RAB40B: variants seen among roughly 807,000 people sequenced by gnomAD.
RAB40B encodes RAB40B, member RAS oncogene family.
A neutral mutation model predicts 24.0 loss-of-function variants in RAB40B; 21 were observed. The ratio of observed to expected loss-of-function variants is 0.88; its 90% CI spans 0.62 to 1.26. The LOEUF is 1.26. Among genes scored for constraint, RAB40B ranks in the 50% most tolerant of loss-of-function variants. RAB40B has a pLI of 0.00. For missense variants in RAB40B, 348 were observed against 390.5 expected, an observed-to-expected ratio of 0.89 and a Z score of 0.92; for synonymous variants, 167 against 169.8, an observed-to-expected ratio of 0.98 and a Z score of 0.13.
intron 2 of RAB40B, chr17:82,661,808 GC>G: frequency 1.7e-6 from 1 of 590,302 alleles, no homozygotes; most frequent in Non-Finnish European, 2.1e-6. Context: ...AATTGTTTGA[GC>G]CCGGCAGGCG....
At position 82,657,758 on chromosome 17, in the gene RAB40B, G is replaced by T; in HGVS notation, c.*105C>A. On this transcript the variant is annotated 3_prime_UTR_variant, in exon 6 of 6. Coordinates refer to ENST00000571995, the MANE Select transcript of RAB40B (RefSeq NM_006822.3). Reference sequence around the variant, plus strand: ...AAGGCGTCGCACACATTCGCAAGCAGCATTCGCCGAGAGGAACCGGGATCT... The same window carrying T: ...AAGGCGTCGCACACATTCGCAAGCATCATTCGCCGAGAGGAACCGGGATCT... 7.4e-7 allele frequency: 1 copy of T among 1,353,174 alleles called. No individual in the cohort carries two copies. The highest frequency in any genetic ancestry group is 1.1e-6 in the Non-Finnish European group (1 of 943,674). The allele number at this position is 1,353,174 out of a possible 1,614,324, so 83.8% of individuals were successfully genotyped here. A position where few individuals can be genotyped will look rare whatever the true frequency, so the allele number is the denominator to read the frequency against.
In RAB40B at chr17:82,686,420, T is replaced by C. The variant is rs2046502772; in HGVS notation, c.142+12035A>G. Among the ~76,000 whole-genome samples, 3 of 152,282 alleles carry C rather than the reference T, an allele frequency of 2.0e-5. No homozygotes were observed. In the South Asian group the frequency reaches 6.2e-4, roughly 32 times the overall value. ...AGCCACCGCGCCCGGCCAAGGGTCTTTTCAGATGTAATCAAGTTAAGATGA... is the reference window on the plus strand; with the variant it reads ...AGCCACCGCGCCCGGCCAAGGGTCTCTTCAGATGTAATCAAGTTAAGATGA... On this transcript the variant is annotated intron_variant, in intron 1 of 5. Coordinates refer to ENST00000571995, the MANE Select transcript of RAB40B (RefSeq NM_006822.3).
rs1189191507 is a variant in RAB40B at position 82,697,120 on chromosome 17, G to T, written c.142+1335C>A. On this transcript the variant is annotated intron_variant, in intron 1 of 5. Coordinates refer to ENST00000571995, the MANE Select transcript of RAB40B (RefSeq NM_006822.3). This position sits in a 1 kb window ranked among gnomAD's most constrained non-coding sequence, Gnocchi z 4.9. ...CAGTTTCAGGAGGCCTCTGGGTGCT[G>T]GTCGTGAGCCCAAGCCCATCTCAGC... 1.3e-5 allele frequency among the ~76,000 whole-genome samples: 2 copies of T among 152,020 alleles called. No individual in the cohort carries two copies. Among genetic ancestry groups the T allele is most frequent in the Non-Finnish European group, 2.9e-5 (2 of 67,982 alleles).
chr17:82,664,619 A>G, intron 1 of RAB40B, 63 bp from the exon 2 acceptor site: 1 of 1,486,620 alleles, frequency 6.7e-7, no homozygotes, highest in Non-Finnish European at 9.3e-7. Flanking sequence ...TGGAAGTCTC[A>G]CGTTCAGGGA....
chr17:82,698,634 G>A lies in RAB40B; in HGVS notation c.-38C>T, dbSNP rs779428324. ...GCGCCCCCACCCATGCCCGGCCTGC[G>A]GGGCTGAGCGCAGAGGCGGCGGCCC... is the stretch of plus-strand genomic sequence containing the variant. On this transcript the variant is annotated 5_prime_UTR_variant, in exon 1 of 6. Transcript: ENST00000571995. 1 of 1,340,368 alleles carries A rather than the reference G, an allele frequency of 7.5e-7. No individual in the cohort carries two copies. Among genetic ancestry groups the A allele is most frequent in the Admixed American group, 2.7e-5 (1 of 36,666 alleles). 83.0% of individuals were successfully genotyped at this position (1,340,368 alleles called of 1,614,324 possible).
At chr17:82,672,826 C>T (rs554990162) in intron 1 of RAB40B, among the ~76,000 whole-genome samples, 8 of 152,318 alleles carry the variant, frequency 5.3e-5, no homozygotes, top group Admixed American at 1.3e-4. Context: ...ACCAGGTAGA[C>T]GCCATCCACA....
In RAB40B at chr17:82,698,487, C is replaced by A; in HGVS notation, c.110G>T (p.Gly37Val). The A allele has an allele frequency of 6.7e-7, 1 of 1,499,652 alleles. No homozygotes were observed. 92.9% of individuals were successfully genotyped at this position (1,499,652 alleles called of 1,614,324 possible). A position where few individuals can be genotyped will look rare whatever the true frequency, so the allele number is the denominator to read the frequency against. Residue 37 changes from glycine to valine, a missense_variant, in exon 1 of 6, where the codon GGC becomes GTC. Transcript: ENST00000571995. ...GTGGCCGTACGGGGACTCGGCCGCG[C>A]CATCCTGCAGGCTCGCCAGGATCTC... ...KGEILASLQD[G>V]AAESPYGHPA...
rs75451198 is a variant in RAB40B at position 82,692,497 on chromosome 17, G to A, written c.142+5958C>T. On this transcript the variant is annotated intron_variant, in intron 1 of 5. Coordinates refer to ENST00000571995, the MANE Select transcript of RAB40B (RefSeq NM_006822.3). This position sits in a 1 kb window ranked among gnomAD's most constrained non-coding sequence, Gnocchi z 4.0. ...ATCCACAGAAGACAGAGTCTGACCCGGGGCACACACACAAGAGACAGGCGG... is the reference window on the plus strand; with the variant it reads ...ATCCACAGAAGACAGAGTCTGACCCAGGGCACACACACAAGAGACAGGCGG... Among the ~76,000 whole-genome samples the A allele has an allele frequency of 7.9e-3, 1,199 of 152,174 alleles. 14 individuals are homozygous for A. Among genetic ancestry groups the A allele is most frequent in the African/African-American group, 0.028 (1,149 of 41,488 alleles).
rs975729412 is a variant in RAB40B, at chr17:82,667,377, C to T, written c.143-2821G>A. Among the ~76,000 whole-genome samples the T allele has an allele frequency of 6.6e-6, 1 of 152,234 alleles. No individual in the cohort carries two copies. The highest frequency in any genetic ancestry group is 1.5e-5 in the Non-Finnish European group (1 of 68,040). ...TGCAGCAGCTCTGGGCCTCTGTCCTCCACTTTCCACTGATGCAGCCATGAG... is the reference window on the plus strand; with the variant it reads ...TGCAGCAGCTCTGGGCCTCTGTCCTTCACTTTCCACTGATGCAGCCATGAG... On this transcript the variant is annotated intron_variant, in intron 1 of 5. Coordinates refer to ENST00000571995, the MANE Select transcript of RAB40B (RefSeq NM_006822.3). The surrounding 1 kb of genome is among the most constrained non-coding windows in gnomAD (Gnocchi z 4.3).
At chr17:82,693,554 G>A (rs1420178650) in intron 1 of RAB40B, among the ~76,000 whole-genome samples, 2 of 152,200 alleles carry the variant, frequency 1.3e-5, no homozygotes, top group African/African-American at 4.8e-5. Flanking sequence ...CGATTCACAC[G>A]CATAGGGACC....
intron 1 of RAB40B, among the ~76,000 whole-genome samples, chr17:82,676,937 AATTT>A (rs60578904): frequency 6.9e-5 from 10 of 144,356 alleles, no homozygotes; most frequent in African/African-American, 2.1e-4. Flanking sequence ...GTAGCCTACT[AATTT>A]ATTTATTTAT....
rs770442329 is a variant in RAB40B, at chr17:82,698,639, T to C, written c.-43A>G. ...CCCACCCATGCCCGGCCTGCGGGGC[T>C]GAGCGCAGAGGCGGCGGCCCGGCCC... On this transcript the variant is annotated 5_prime_UTR_variant, in exon 1 of 6. Coordinates refer to ENST00000571995, the MANE Select transcript of RAB40B (RefSeq NM_006822.3). 2 of 1,312,442 alleles carry C rather than the reference T, an allele frequency of 1.5e-6. No homozygotes were observed. Among genetic ancestry groups the C allele is most frequent in the African/African-American group, 1.5e-5 (1 of 64,862 alleles). The allele number at this position is 1,312,442 out of a possible 1,614,324, so 81.3% of individuals were successfully genotyped here. A position where few individuals can be genotyped will look rare whatever the true frequency, so the allele number is the denominator to read the frequency against.
intron 1 of RAB40B, among the ~76,000 whole-genome samples, chr17:82,685,414 C>T (rs2046489427): frequency 6.6e-6 from 1 of 152,148 alleles, no homozygotes; most frequent in Non-Finnish European, 1.5e-5. Context: ...TCACCGCACA[C>T]AGGGACGAAG....
rs376519150 is a variant in RAB40B at position 82,688,149 on chromosome 17, G to A, written c.142+10306C>T. On this transcript the variant is annotated intron_variant, in intron 1 of 5. Transcript: ENST00000571995. ...CAGTCCATCCTTCTCTCTGCCAGCCGGGGCCCAAAACACACTAAGTCACCA... is the reference window on the plus strand; with the variant it reads ...CAGTCCATCCTTCTCTCTGCCAGCCAGGGCCCAAAACACACTAAGTCACCA... Among the ~76,000 whole-genome samples the A allele has an allele frequency of 2.6e-5, 4 of 151,990 alleles. No individual in the cohort carries two copies. In the East Asian group the frequency reaches 7.8e-4, roughly 30 times the overall value.
At chr17:82,682,384 C>T (rs771364168) in intron 1 of RAB40B, among the ~76,000 whole-genome samples, 1 of 152,020 alleles carries the variant, frequency 6.6e-6, no homozygotes, top group African/African-American at 2.4e-5. Flanking sequence ...ATATTAAAAG[C>T]TACAAACCAC....
rs528494807 is a variant in RAB40B, at chr17:82,690,747, G to A, written c.142+7708C>T. Among the ~76,000 whole-genome samples, 319 of 150,018 alleles carry A rather than the reference G, an allele frequency of 2.1e-3. 2 individuals are homozygous for A. Among genetic ancestry groups the A allele is most frequent in the African/African-American group, 7.4e-3 (298 of 40,332 alleles). On this transcript the variant is annotated intron_variant, in intron 1 of 5. Coordinates refer to ENST00000571995, the MANE Select transcript of RAB40B (RefSeq NM_006822.3). The stretch of plus-strand genomic sequence containing the variant: ...TGTGTTCCTGGGGAACAGAGAGTGT[G>A]CACGTGTGTCCAGGGGAAGATCTGC...
chr17:82,665,789 C>T (rs1215461722), intron 1 of RAB40B, among the ~76,000 whole-genome samples: 1 of 151,886 alleles, frequency 6.6e-6, no homozygotes, highest in African/African-American at 2.4e-5. Flanking sequence ...ATTGCTTGAA[C>T]CCGGGAGGCG....
rs182269402 is a variant in RAB40B, at chr17:82,660,980, G to A, written c.264+7C>T. On this transcript the variant is annotated splice_region_variant and intron_variant, in intron 3 of 5. Transcript: ENST00000571995. Reference sequence around the variant, plus strand: ...TTGATCTCCCAGCTCGGGGGATGCTGTGTTACCTGTGCGCCCCGGGAGTAG... The same window carrying A: ...TTGATCTCCCAGCTCGGGGGATGCTATGTTACCTGTGCGCCCCGGGAGTAG... 1.5e-5 allele frequency: 24 copies of A among 1,613,894 alleles called. No homozygotes were observed. The East Asian group carries it at 3.8e-4, about 25-fold the overall frequency.
chr17:82,657,764 G>A lies in RAB40B; in HGVS notation c.*99C>T, dbSNP rs531940453. 2.1e-5 allele frequency: 29 copies of A among 1,400,222 alleles called. No individual in the cohort carries two copies. The highest frequency in any genetic ancestry group is 4.3e-5 in the African/African-American group (3 of 70,588). 86.7% of individuals were successfully genotyped at this position (1,400,222 alleles called of 1,614,324 possible). A position where few individuals can be genotyped will look rare whatever the true frequency, so the allele number is the denominator to read the frequency against. ...TCGCACACATTCGCAAGCAGCATTC[G>A]CCGAGAGGAACCGGGATCTGAGATG... On this transcript the variant is annotated 3_prime_UTR_variant, in exon 6 of 6. Coordinates refer to ENST00000571995, the MANE Select transcript of RAB40B (RefSeq NM_006822.3).
Sources: gnomAD v4.1 joint callset for allele counts (sites outside exome capture counted in the v4.1 genomes callset) on GRCh38, gnomAD v4.1.1 for gene constraint, Gnocchi (gnomAD v3.1) non-coding constraint, MANE v1.5 for transcripts, NCBI Gene and HGNC (gene_info 2026-07-23, HGNC 2026-07-21) for gene names.